MAP2K6: variants seen among roughly 807,000 people sequenced by gnomAD.
MAP2K6 encodes the protein dual specificity mitogen-activated protein kinase kinase 6.
MAP2K6 carries 16 observed loss-of-function variants against 53.7 expected under a neutral mutation model. The ratio of observed to expected loss-of-function variants is 0.30; its 90% CI spans 0.20 to 0.45. The LOEUF (loss-of-function observed/expected upper bound fraction) is 0.45, where lower values mean the gene tolerates loss of function less well. MAP2K6 is among the 20% of genes least tolerant of loss of function. MAP2K6 has a pLI of 1.00. For synonymous variants in MAP2K6, 132 were observed against 143.1 expected (o/e 0.92, Z 0.55); for missense variants, 204 against 411.9 (o/e 0.50, Z 4.37).
chr17:69,477,777 G>T (rs1192955952), intron 1 of MAP2K6, among the ~76,000 whole-genome samples: 2 of 152,202 alleles, frequency 1.3e-5, no homozygotes, highest in African/African-American at 4.8e-5. Context: ...AACTGGGAGA[G>T]TTAGCAGATG....
At chr17:69,490,260 G>C (rs1414809781) in intron 1 of MAP2K6, among the ~76,000 whole-genome samples, 1 of 151,928 alleles carries the variant, frequency 6.6e-6, no homozygotes, top group Non-Finnish European at 1.5e-5. Context: ...CTCCACTGAA[G>C]AGCAGGAGGG....
rs186096282 is a variant in MAP2K6 at position 69,438,034 on chromosome 17, G to A, written c.16+23034G>A. 5.2e-3 allele frequency among the ~76,000 whole-genome samples: 797 copies of A among 152,332 alleles called. 5 individuals are homozygous for A. Among genetic ancestry groups the A allele is most frequent in the Non-Finnish European group, 6.2e-3 (423 of 68,040 alleles). On this transcript the variant is annotated intron_variant, in intron 1 of 11. Transcript: ENST00000590474. ...TGAAAAAGTAGCCAATAAATTACAC[G>A]TAAGTGTAGCTAATAGAAAGTGAGT...
intron 1 of MAP2K6, among the ~76,000 whole-genome samples, chr17:69,477,957 A>G (rs1908209792): frequency 6.6e-6 from 1 of 152,234 alleles, no homozygotes; most frequent in Non-Finnish European, 1.5e-5. Context: ...AGAACTCTTC[A>G]TAAACAGAGA....
At chr17:69,530,782 C>T (rs564141386) in intron 10 of MAP2K6, among the ~76,000 whole-genome samples, 12 of 152,194 alleles carry the variant, frequency 7.9e-5, no homozygotes, top group African/African-American at 1.7e-4. Context: ...TAGAACTTTA[C>T]GGAAGCAATT....
At chr17:69,448,251 T>G (rs559591825) in intron 1 of MAP2K6, among the ~76,000 whole-genome samples, 9,184 of 151,566 alleles carry the variant, frequency 0.061, 941 homozygotes, top group African/African-American at 0.21. Context: ...TTTGTTTTTT[T>G]TTTTTTTCAA....
chr17:69,496,208 A>G (rs1006759880), intron 1 of MAP2K6, among the ~76,000 whole-genome samples: 3 of 151,704 alleles, frequency 2.0e-5, no homozygotes, highest in African/African-American at 7.3e-5. Flanking sequence ...TTTGACAGGA[A>G]CGTAATTCTT....
chr17:69,462,585 A>G (rs1907656109), intron 1 of MAP2K6, among the ~76,000 whole-genome samples: 1 of 152,086 alleles, frequency 6.6e-6, no homozygotes, highest in African/African-American at 2.4e-5. Flanking sequence ...ATATGTGTAT[A>G]GGCCATGGAT....
intron 1 of MAP2K6, among the ~76,000 whole-genome samples, chr17:69,420,088 C>T (rs1443935263): frequency 3.3e-5 from 5 of 152,056 alleles, no homozygotes; most frequent in Non-Finnish European, 7.4e-5. Flanking sequence ...TCTTAAGCTG[C>T]TATCACATAT....
At chr17:69,428,915 G>A (rs1906360776) in intron 1 of MAP2K6, among the ~76,000 whole-genome samples, 1 of 128,850 alleles carries the variant, frequency 7.8e-6, no homozygotes, top group Non-Finnish European at 1.6e-5. Flanking sequence ...CTAAACTGGG[G>A]TGTGTTAAAT....
At position 69,494,225 on chromosome 17, in the gene MAP2K6, C is replaced by T. The variant is rs1598288990; in HGVS notation, c.17-11555C>T. Among the ~76,000 whole-genome samples, 1 of 152,150 alleles carries T rather than the reference C, an allele frequency of 6.6e-6. No individual in the cohort carries two copies. Among genetic ancestry groups the T allele is most frequent in the African/African-American group, 2.4e-5 (1 of 41,428 alleles). Reference sequence around the variant, plus strand: ...AAAAGAAATGGAGGGAGGTCAGGTGCAGTGGCTCACGCCTGTAATCCCAGC... The same window carrying T: ...AAAAGAAATGGAGGGAGGTCAGGTGTAGTGGCTCACGCCTGTAATCCCAGC... On this transcript the variant is annotated intron_variant, in intron 1 of 11. Coordinates refer to ENST00000590474, the MANE Select transcript of MAP2K6 (RefSeq NM_002758.4). This position sits in a 1 kb window ranked among gnomAD's most constrained non-coding sequence, Gnocchi z 4.2.
intron 1 of MAP2K6, among the ~76,000 whole-genome samples, chr17:69,439,502 T>C (rs1242806831): frequency 2.0e-5 from 3 of 152,224 alleles, no homozygotes; most frequent in Non-Finnish European, 2.9e-5. Context: ...AAGGTCAGGC[T>C]TATTATTTCC....
chr17:69,455,949 C>T (rs1369129269), intron 1 of MAP2K6, among the ~76,000 whole-genome samples: 2 of 150,762 alleles, frequency 1.3e-5, no homozygotes, highest in Non-Finnish European at 2.9e-5. Flanking sequence ...CAAACTCCAC[C>T]TCCCGGGTTC....
intron 1 of MAP2K6, among the ~76,000 whole-genome samples, chr17:69,421,316 G>T (rs1906072213): frequency 6.6e-6 from 1 of 152,124 alleles, no homozygotes; most frequent in South Asian, 2.1e-4. Flanking sequence ...ATAATGGCTG[G>T]CGAAGTGTCA....
At chr17:69,456,370 G>T (rs547010736) in intron 1 of MAP2K6, among the ~76,000 whole-genome samples, 1 of 152,264 alleles carries the variant, frequency 6.6e-6, no homozygotes, top group East Asian at 1.9e-4. Context: ...GGATGGCCTG[G>T]GGTTTGTATT....
intron 1 of MAP2K6, chr17:69,433,764 G>A (rs1906548687): frequency 6.6e-6 from 1 of 152,254 alleles, no homozygotes; most frequent in African/African-American, 2.4e-5. Context: ...AGGATTGGGA[G>A]TGGACAGTCA....
At chr17:69,415,104 G>C (rs1016990260) in intron 1 of MAP2K6, 104 bp downstream of exon 1, 53 of 1,070,804 alleles carry the variant, frequency 4.9e-5, no homozygotes, top group Middle Eastern at 2.0e-4. Flanking sequence ...TTAAGTTTGA[G>C]GTTTTCCACA....
chr17:69,540,287 G>A (rs1231099718), intron 11 of MAP2K6, among the ~76,000 whole-genome samples: 31 of 152,190 alleles, frequency 2.0e-4, no homozygotes, highest in Non-Finnish European at 4.4e-5. Context: ...AGTCACTTAT[G>A]TGTCTGGATG....
At chr17:69,517,648 G>T (rs781413874) in intron 4 of MAP2K6, 35 bp downstream of exon 4, 7 of 1,468,978 alleles carry the variant, frequency 4.8e-6, no homozygotes, top group Non-Finnish European at 6.5e-6. Flanking sequence ...TTTTATATCT[G>T]CTGTGTATAC....
At chr17:69,498,084 A>C (rs1398575600) in intron 1 of MAP2K6, among the ~76,000 whole-genome samples, 1 of 152,026 alleles carries the variant, frequency 6.6e-6, no homozygotes, top group South Asian at 2.1e-4. Flanking sequence ...GCAGAATTGC[A>C]TCTTAATAAG....
Sources: gnomAD v4.1 joint callset for allele counts (sites outside exome capture counted in the v4.1 genomes callset) on GRCh38, gnomAD v4.1.1 for gene constraint, Gnocchi (gnomAD v3.1) non-coding constraint, MANE v1.5 for transcripts, NCBI Gene and HGNC (gene_info 2026-07-23, HGNC 2026-07-21) for gene names.